Variants in HS6ST2 observed in about 807,000 individuals in gnomAD.
HS6ST2 encodes heparan-sulfate 6-O-sulfotransferase 2.
Under a neutral mutation model 33.0 loss-of-function variants are expected in HS6ST2, and 17 were observed. The observed-to-expected ratio is 0.52, with a 90% CI of 0.35 to 0.77. The LOEUF is 0.77. Ranked by LOEUF, HS6ST2 falls within the 30% of genes least tolerant of loss-of-function variation. The pLI is 0.01. For missense variants in HS6ST2, 519 were observed against 551.7 expected, an observed-to-expected ratio of 0.94 and a Z score of 0.59; for synonymous variants, 248 against 237.1, an observed-to-expected ratio of 1.05 and a Z score of -0.42.
intron 2 of HS6ST2, among the ~76,000 whole-genome samples, chrX:132,847,308 T>C (rs1446988214): frequency 9.0e-6 from 1 of 111,244 alleles, no homozygotes; most frequent in Non-Finnish European, 1.9e-5. Flanking sequence ...TTGTGCATCC[T>C]TGTTGGATGG....
chrX:132,865,593 A>T (rs1241940608), intron 2 of HS6ST2, among the ~76,000 whole-genome samples: 1 of 109,884 alleles, frequency 9.1e-6, no homozygotes, highest in African/African-American at 3.3e-5. Context: ...CAGTCTCACC[A>T]ACAGTGTAAA....
chrX:132,844,375 T>C (rs776953852), intron 2 of HS6ST2, among the ~76,000 whole-genome samples: 1 of 111,927 alleles, frequency 8.9e-6, no homozygotes, highest in Non-Finnish European at 1.9e-5. Context: ...GTATTCTAAG[T>C]CTTGATCTAC....
chrX:132,958,201 G>T lies in HS6ST2; in HGVS notation c.402C>A (p.Phe134Leu), dbSNP rs1363095715. ...TGGCCATGGGGCCGAAAATCTTGGA[G>T]AAGATCGCACCGAGCACGTGCTTCA... Reference protein sequence around the residue: ...HSLKHVLGAIFSKIFGPMASV... With the variant: ...HSLKHVLGAILSKIFGPMASV... The change falls in exon 1 of 5, where the codon TTC becomes TTA. Residue 134 changes from phenylalanine to leucine, a missense_variant. Physicochemically the swap from Phe to Leu is conservative, Grantham distance 22. Transcript: ENST00000370833. 1 of 1,153,949 alleles carries T rather than the reference G, an allele frequency of 8.7e-7. No individual in the cohort carries two copies. Among genetic ancestry groups the T allele is most frequent in the Non-Finnish European group, 1.1e-6 (1 of 873,666 alleles).
chrX:132,832,497 A>C (rs1219656791), intron 2 of HS6ST2, among the ~76,000 whole-genome samples: 4 of 111,882 alleles, frequency 3.6e-5, no homozygotes, highest in African/African-American at 6.5e-5. Flanking sequence ...TCTATGCTAC[A>C]TTTTCATCTA....
chrX:132,803,977 TA>T (rs1230790988), intron 2 of HS6ST2, among the ~76,000 whole-genome samples: 1 of 111,840 alleles, frequency 8.9e-6, no homozygotes, highest in East Asian at 2.8e-4. Context: ...AGAAACAGCT[TA>T]AAAACAGCTC....
At chrX:132,699,099 T>C (rs1030778064) in intron 3 of HS6ST2, among the ~76,000 whole-genome samples, 7 of 111,446 alleles carry the variant, frequency 6.3e-5, no homozygotes, top group African/African-American at 2.3e-4. Context: ...TGACCTATGA[T>C]TGTAGGCCAT....
chrX:132,793,048 CTTTTTTTTTTT>C (rs755535720), intron 2 of HS6ST2, among the ~76,000 whole-genome samples: 5 of 53,241 alleles, frequency 9.4e-5, no homozygotes, highest in South Asian at 2.4e-3. Flanking sequence ...AAATAAACTC[CTTTTTTTTTTT>C]TTTTTTTTTT....
At chrX:132,854,237 T>C (rs1035236556) in intron 2 of HS6ST2, among the ~76,000 whole-genome samples, 1 of 112,343 alleles carries the variant, frequency 8.9e-6, no homozygotes, top group Non-Finnish European at 1.9e-5. Context: ...CATCCATCTT[T>C]TCAGAGGGAT....
intron 4 of HS6ST2, among the ~76,000 whole-genome samples, chrX:132,644,493 C>G (rs1401590738): frequency 9.0e-6 from 1 of 111,169 alleles, no homozygotes. Context: ...TTTCCTAACT[C>G]CCAATTCAGT....
Position 132,673,989 on chromosome X carries a change from T to C in HS6ST2, c.981-4790A>G, listed in dbSNP as rs150042973. On this transcript the variant is annotated intron_variant, in intron 3 of 4. Transcript: ENST00000370833. ...TTTCATTTTTTTCTATCTTGTTAGGTTATGTCCTGAGTGGTTTTCTTTGTT... is the reference window on the plus strand; with the variant it reads ...TTTCATTTTTTTCTATCTTGTTAGGCTATGTCCTGAGTGGTTTTCTTTGTT... Among the ~76,000 whole-genome samples, 85 of 112,143 alleles carry C rather than the reference T, an allele frequency of 7.6e-4. 2 individuals are homozygous for C. In the East Asian group the frequency reaches 0.023, roughly 31 times the overall value.
chrX:132,886,864 GTGGC>G (rs1387261139), intron 2 of HS6ST2, among the ~76,000 whole-genome samples: 2 of 111,614 alleles, frequency 1.8e-5, no homozygotes, highest in Non-Finnish European at 3.8e-5. Flanking sequence ...GCCAGGCATG[GTGGC>G]TCACGCCTGT....
chrX:132,794,266 A>T (rs1251100312), intron 2 of HS6ST2, among the ~76,000 whole-genome samples: 1 of 112,109 alleles, frequency 8.9e-6, no homozygotes, highest in African/African-American at 3.2e-5. Context: ...CACCAAGGGG[A>T]TAGCACCAAT....
chrX:132,936,770 C>T (rs2066827303), intron 2 of HS6ST2, among the ~76,000 whole-genome samples: 1 of 110,093 alleles, frequency 9.1e-6, no homozygotes, highest in Non-Finnish European at 1.9e-5. Flanking sequence ...CTACCTGGGT[C>T]ATGAAATCAT....
At chrX:132,836,670 C>T (rs778820303) in intron 2 of HS6ST2, among the ~76,000 whole-genome samples, 5 of 112,949 alleles carry the variant, frequency 4.4e-5, no homozygotes, top group African/African-American at 1.6e-4. Flanking sequence ...AAGGAAGCAG[C>T]TGGACTTATC....
In HS6ST2 at chrX:132,738,148, C is replaced by G. The variant is rs1294966671; in HGVS notation, c.948-29654G>C. 1.5e-4 allele frequency among the ~76,000 whole-genome samples: 17 copies of G among 112,478 alleles called. No individual in the cohort carries two copies. In the Admixed American group the frequency reaches 1.6e-3, roughly 11 times the overall value. On this transcript the variant is annotated intron_variant, in intron 2 of 4. Coordinates refer to ENST00000370833, the MANE Select transcript of HS6ST2 (RefSeq NM_001394073.1). ...TCTTTTCTGGCTTGTTCTTCCTTTC[C>G]TGTGTATTTCTCTTGCCACCTCTGT...
intron 2 of HS6ST2, among the ~76,000 whole-genome samples, chrX:132,839,272 GTATATATATATATATATATATATA>G (rs748319681): frequency 9.6e-5 from 6 of 62,793 alleles, no homozygotes; most frequent in Admixed American, 2.2e-4. Context: ...TGTAGTGTGT[GTATATATATATATATATATATATA>G]TATATATATA....
Position 132,874,405 on chromosome X carries a change from G to A in HS6ST2, c.947+82403C>T, listed in dbSNP as rs765592527. ...ATCCTGGCCAACATGGTGAAACCCC[G>A]TCTCTACTAAAAATACGAAAATTAG... On this transcript the variant is annotated intron_variant, in intron 2 of 4. Coordinates refer to ENST00000370833, the MANE Select transcript of HS6ST2 (RefSeq NM_001394073.1). 1.1e-4 allele frequency among the ~76,000 whole-genome samples: 12 copies of A among 111,225 alleles called. No homozygotes were observed. In the East Asian group the frequency reaches 2.8e-3, roughly 26 times the overall value.
intron 2 of HS6ST2, among the ~76,000 whole-genome samples, chrX:132,956,183 G>A (rs183011515): frequency 2.6e-3 from 292 of 111,490 alleles, no homozygotes; most frequent in African/African-American, 8.9e-3. Context: ...GGAGCGAGGT[G>A]ATAAAAGTCC....
intron 2 of HS6ST2, among the ~76,000 whole-genome samples, chrX:132,881,270 A>G (rs1002591998): frequency 1.8e-5 from 2 of 109,903 alleles, no homozygotes; most frequent in Non-Finnish European, 3.8e-5. Flanking sequence ...CTATTTCTCC[A>G]CATCCTCTCC....
Sources: gnomAD v4.1 joint callset for allele counts (sites outside exome capture counted in the v4.1 genomes callset) on GRCh38, gnomAD v4.1.1 for gene constraint, MANE v1.5 for transcripts, NCBI Gene and HGNC (gene_info 2026-07-23, HGNC 2026-07-21) for gene names.